Variants in ZFAND2B observed in about 807,000 individuals in gnomAD.
ZFAND2B encodes AN1-type zinc finger protein 2B.
A neutral mutation model predicts 38.2 loss-of-function variants in ZFAND2B; 27 were observed. That is an observed-to-expected ratio of 0.71 (90% CI 0.52 to 0.97). The LOEUF is 0.97. ZFAND2B is among the 50% of genes least tolerant of loss of function. The pLI is 0.00. For missense variants in ZFAND2B, 303 were observed against 331.5 expected (o/e 0.91, Z 0.67); for synonymous variants, 111 against 119.4 (o/e 0.93, Z 0.46).
At chr2:219,208,821 A>G in intron 7 of ZFAND2B, 156 bp from the exon 8 acceptor site, 1 of 1,027,646 alleles carries the variant, frequency 9.7e-7, no homozygotes, top group East Asian at 2.4e-5. Context: ...TTCCTCTATA[A>G]AACGGGGACA....
rs752710409 is a variant in ZFAND2B at position 219,207,725 on chromosome 2, G to A, written c.228G>A (p.Val76=). ...GAGGGGAGCCCCCTGACCGTGCTGTGGGAGAGCACATTGACAGAGACTGTC... is the reference window on the plus strand; with the variant it reads ...GAGGGGAGCCCCCTGACCGTGCTGTAGGAGAGCACATTGACAGAGACTGTC... ...VARGEPPDRA[V]GEHIDRDCRS... The change falls in exon 3 of 9, where the codon GTG becomes GTA. Residue 76 remains valine (V), a synonymous_variant. Coordinates refer to ENST00000289528, the MANE Select transcript of ZFAND2B (RefSeq NM_138802.3). 1 of 1,614,166 alleles carries A rather than the reference G, an allele frequency of 6.2e-7. No homozygotes were observed. Among genetic ancestry groups the A allele is most frequent in the Non-Finnish European group, 8.5e-7 (1 of 1,180,042 alleles).
chr2:219,208,406 C>T lies in ZFAND2B; in HGVS notation c.528-20C>T, dbSNP rs1407300301. 1 of 1,614,212 alleles carries T rather than the reference C, an allele frequency of 6.2e-7. No homozygotes were observed. The highest frequency in any genetic ancestry group is 2.2e-5 in the East Asian group (1 of 44,890). ...TCCCCTTCACACCTCTGACCTCCAC[C>T]TCTTCAATGTCTGTCGTAGAGCCAC... On this transcript the variant is annotated intron_variant, in intron 5 of 8. Coordinates refer to ENST00000289528, the MANE Select transcript of ZFAND2B (RefSeq NM_138802.3).
At position 219,207,060 on chromosome 2, in the gene ZFAND2B, CG is replaced by C; in HGVS notation, c.55+24del. ...GCGCTTGGGTGAGGGGCGGAGCGCG[CG>C]GGGGGCGGGGCCCAGCGGACAGGGA... On this transcript the variant is annotated intron_variant, in intron 1 of 8. Transcript: ENST00000289528. The C allele has an allele frequency of 3.6e-6, 5 of 1,391,334 alleles. No homozygotes were observed. The highest frequency in any genetic ancestry group is 3.8e-6 in the Non-Finnish European group (4 of 1,049,632). 86.2% of individuals were successfully genotyped at this position (1,391,334 alleles called of 1,614,324 possible). A position where few individuals can be genotyped will look rare whatever the true frequency, so the allele number is the denominator to read the frequency against.
chr2:219,208,954 C>G, intron 7 of ZFAND2B, 23 bp from the exon 8 acceptor site: 1 of 1,613,110 alleles, frequency 6.2e-7, no homozygotes, highest in Non-Finnish European at 8.5e-7. Context: ...CATCATCCAA[C>G]TTAAACTGTT....
chr2:219,207,209 T>C lies in ZFAND2B; in HGVS notation c.56-118T>C. On this transcript the variant is annotated intron_variant, in intron 1 of 8. Transcript: ENST00000289528. ...GGCGTGGCCAAGGAGGTAATGGGCT[T>C]GGGAAGGGGCGGTGTGTCGAAAATA... The C allele has an allele frequency of 2.2e-6, 3 of 1,388,466 alleles. No individual in the cohort carries two copies. In the South Asian group the frequency reaches 3.5e-5, roughly 16 times the overall value. 86.0% of individuals were successfully genotyped at this position (1,388,466 alleles called of 1,614,324 possible).
At position 219,206,840 on chromosome 2, in the gene ZFAND2B, G is replaced by T. The variant is rs541455864; in HGVS notation, c.-148G>T. On this transcript the variant is annotated 5_prime_UTR_variant, in exon 1 of 9. Coordinates refer to ENST00000289528, the MANE Select transcript of ZFAND2B (RefSeq NM_138802.3). ...GCGCCGGGGGCCGGCTGGCGCGGGG[G>T]CTCCGGTAACCCGGGCTGGGCGGGG... is the stretch of plus-strand genomic sequence containing the variant. 120 of 819,070 alleles carry T rather than the reference G, an allele frequency of 1.5e-4. No homozygotes were observed. Among genetic ancestry groups the T allele is most frequent in the Admixed American group, 3.8e-4 (9 of 23,952 alleles). The allele number at this position is 819,070 out of a possible 1,614,324, so 50.7% of individuals were successfully genotyped here. A position where few individuals can be genotyped will look rare whatever the true frequency, so the allele number is the denominator to read the frequency against.
chr2:219,208,250 C>G lies in ZFAND2B; in HGVS notation c.435-6C>G. ...GAGACATGCCAAAAATCTCTCTTCCCTACAGACTTGCTGCCATCTCCAGAG... is the reference window on the plus strand; with the variant it reads ...GAGACATGCCAAAAATCTCTCTTCCGTACAGACTTGCTGCCATCTCCAGAG... On this transcript the variant is annotated splice_region_variant and splice_polypyrimidine_tract_variant and intron_variant, in intron 4 of 8. Coordinates refer to ENST00000289528, the MANE Select transcript of ZFAND2B (RefSeq NM_138802.3). 2 of 1,614,164 alleles carry G rather than the reference C, an allele frequency of 1.2e-6. No homozygotes were observed. Among genetic ancestry groups the G allele is most frequent in the Non-Finnish European group, 1.7e-6 (2 of 1,180,020 alleles).
chr2:219,209,342 G>A lies in ZFAND2B; in HGVS notation c.*36G>A, dbSNP rs1190336435. 6.2e-7 allele frequency: 1 copy of A among 1,604,058 alleles called. No individual in the cohort carries two copies. Among genetic ancestry groups the A allele is most frequent in the African/African-American group, 1.3e-5 (1 of 75,002 alleles). On this transcript the variant is annotated 3_prime_UTR_variant, in exon 9 of 9. Coordinates refer to ENST00000289528, the MANE Select transcript of ZFAND2B (RefSeq NM_138802.3). ...TTGGGGAGGGAGGTTCACCTGAGGAGGACTGTGGCCCTCACACCTCTAGGG... is the reference window on the plus strand; with the variant it reads ...TTGGGGAGGGAGGTTCACCTGAGGAAGACTGTGGCCCTCACACCTCTAGGG...
intron 4 of ZFAND2B, 77 bp downstream of exon 4, chr2:219,208,115 T>G: frequency 1.9e-6 from 3 of 1,608,990 alleles, no homozygotes; most frequent in Non-Finnish European, 2.6e-6. Context: ...TGTTATAAAT[T>G]GGGGAGCTTC....
At chr2:219,208,934 C>T in intron 7 of ZFAND2B, 43 bp from the exon 8 acceptor site, 2 of 1,600,580 alleles carry the variant, frequency 1.2e-6, no homozygotes, top group South Asian at 1.1e-5. Context: ...GTTCAAATTT[C>T]AGATCTTACC....
chr2:219,206,958 T>G lies in ZFAND2B; in HGVS notation c.-30T>G. ...CCTAAAGACGCTCAGCACTCGTCGC[T>G]TCTCCTAGCAGACCCTGCCCGGCTT... On this transcript the variant is annotated 5_prime_UTR_variant, in exon 1 of 9. Transcript: ENST00000289528. 1 of 1,611,558 alleles carries G rather than the reference T, an allele frequency of 6.2e-7. No homozygotes were observed. The highest frequency in any genetic ancestry group is 8.5e-7 in the Non-Finnish European group (1 of 1,179,064).
chr2:219,207,539 AAC>A, intron 2 of ZFAND2B, 107 bp from the exon 3 acceptor site: 1 of 1,590,444 alleles, frequency 6.3e-7, no homozygotes, highest in Non-Finnish European at 8.6e-7. Context: ...AGTGCTGGGA[AAC>A]ACTGTTTTTT....
rs761926727 is a variant in ZFAND2B, at chr2:219,208,010, G to A, written c.406G>A (p.Gly136Arg). The change falls in exon 4 of 9, where the codon GGG becomes AGG. Residue 136 changes from glycine to arginine, a missense_variant. Gly to Arg is a moderately radical substitution (Grantham distance 125). Transcript: ENST00000289528. Reference sequence around the variant, plus strand: ...GCATCCACTGGACCATGATTGCTCTGGGGAGGGGCACCCAACCAGCCGGGC... The same window carrying A: ...GCATCCACTGGACCATGATTGCTCTAGGGAGGGGCACCCAACCAGCCGGGC... ...HRHPLDHDCS[G>R]EGHPTSRAGL... 1.2e-6 allele frequency: 2 copies of A among 1,614,096 alleles called. No individual in the cohort carries two copies. The highest frequency in any genetic ancestry group is 8.5e-7 in the Non-Finnish European group (1 of 1,180,028).
rs746772880 is a variant in ZFAND2B, at chr2:219,208,568, G to C, written c.589-4G>C. On this transcript the variant is annotated splice_polypyrimidine_tract_variant and splice_region_variant and intron_variant, in intron 6 of 8. Coordinates refer to ENST00000289528, the MANE Select transcript of ZFAND2B (RefSeq NM_138802.3). ...GGACGCTGGTCTTCTTTCTCCCTTT[G>C]TAGAGTGAGGATGAAGCTCTGCAGC... The C allele has an allele frequency of 7.4e-6, 12 of 1,614,122 alleles. No homozygotes were observed. In the East Asian group the frequency reaches 2.7e-4, roughly 36 times the overall value.
At position 219,207,961 on chromosome 2, in the gene ZFAND2B, C is replaced by A; in HGVS notation, c.357C>A (p.Ser119Arg). The A allele has an allele frequency of 3.7e-6, 6 of 1,614,102 alleles. No homozygotes were observed. The highest frequency in any genetic ancestry group is 5.1e-6 in the Non-Finnish European group (6 of 1,180,024). ...TGAAACTGACCTGTGAACGCTGTAG[C>A]CGAAACTTCTGCATCAAGCACCGGC... ...EMMKLTCERC[S>R]RNFCIKHRHP... Residue 119 changes from serine to arginine, a missense_variant, in exon 4 of 9, where the codon AGC becomes AGA. Transcript: ENST00000289528.
At position 219,207,346 on chromosome 2, in the gene ZFAND2B, T is replaced by G; in HGVS notation, c.75T>G (p.Cys25Trp). 6.2e-7 allele frequency: 1 copy of G among 1,613,944 alleles called. No individual in the cohort carries two copies. Among genetic ancestry groups the G allele is most frequent in the Non-Finnish European group, 8.5e-7 (1 of 1,179,786 alleles). ...TTGCAGATTTTCTGCCGCTTAAGTG[T>G]GATGCCTGCTCAGGCATCTTCTGCG... ...CQRLDFLPLK[C>W]DACSGIFCAD... The change falls in exon 2 of 9, where the codon TGT (cysteine) becomes TGG (tryptophan). Residue 25 changes from cysteine (C) to tryptophan (W), a missense_variant. Coordinates refer to ENST00000289528, the MANE Select transcript of ZFAND2B (RefSeq NM_138802.3).
chr2:219,208,770 A>G, intron 7 of ZFAND2B, 131 bp downstream of exon 7: 1 of 1,174,640 alleles, frequency 8.5e-7, no homozygotes, highest in East Asian at 2.4e-5. Flanking sequence ...AAGATGAACT[A>G]TATGATCTTT....
rs1313299122 is a variant in ZFAND2B at position 219,207,421 on chromosome 2, G to A, written c.150G>A (p.Lys50=). The part of the protein sequence containing the change: ...AQHHCGSAYQ[K]DIQVPVCPLC... ...ATCACTGTGGATCTGCTTACCAAAA[G>A]GTGAGGGGGCGATCCTCAGGGTGAA... is the stretch of plus-strand genomic sequence containing the variant. Residue 50 remains lysine, a splice_region_variant and synonymous_variant, in exon 2 of 9, where the codon AAG becomes AAA. Coordinates refer to ENST00000289528, the MANE Select transcript of ZFAND2B (RefSeq NM_138802.3). 1 of 1,608,540 alleles carries A rather than the reference G, an allele frequency of 6.2e-7. No homozygotes were observed. Among genetic ancestry groups the A allele is most frequent in the Non-Finnish European group, 8.5e-7 (1 of 1,175,228 alleles).
At chr2:219,207,837 A>T (rs1371605559) in intron 3 of ZFAND2B, 50 bp from the exon 4 acceptor site, 16 of 1,613,410 alleles carry the variant, frequency 9.9e-6, no homozygotes, top group Non-Finnish European at 1.3e-5. Context: ...CTGGAAACCC[A>T]AACAGCTAAT....
Sources: gnomAD v4.1 joint callset for allele counts on GRCh38, gnomAD v4.1.1 for gene constraint, MANE v1.5 for transcripts, NCBI Gene and HGNC (gene_info 2026-07-23, HGNC 2026-07-21) for gene names.